Variants in SLC25A24 observed in about 807,000 individuals in gnomAD.
SLC25A24 encodes solute carrier family 25 member 24, also known as mitochondrial adenyl nucleotide antiporter SLC25A24.
In SLC25A24, 49 loss-of-function variants were observed where a neutral mutation model predicts 60.7. The observed-to-expected ratio is 0.81, with a 90% CI of 0.64 to 1.02. The LOEUF is 1.02. SLC25A24 is among the 50% of genes least tolerant of loss of function. The probability of loss-of-function intolerance (pLI) is 0.00; values close to 1 mark genes in which losing one functional copy is unlikely to be tolerated. For missense variants in SLC25A24, 564 were observed against 586.3 expected (o/e 0.96, Z 0.39); for synonymous variants, 202 against 200.6 (o/e 1.01, Z -0.06).
rs370078282 is a variant in SLC25A24, at chr1:108,200,077, G to C, written c.62C>G (p.Pro21Arg). ...PTAACQDAEQPTRYETLFQAL... is the reference protein window; with the variant it reads ...PTAACQDAEQRTRYETLFQAL... ...CTGGAAGAGGGTCTCGTAGCGCGTC[G>C]GCTGCTCCGCGTCCTGGCAGGCCGC... The change falls in exon 1 of 10, where the codon CCG becomes CGG. Residue 21 changes from proline to arginine, a missense_variant. Coordinates refer to ENST00000565488, the MANE Select transcript of SLC25A24 (RefSeq NM_013386.5). The C allele has an allele frequency of 1.3e-6, 2 of 1,587,752 alleles. No individual in the cohort carries two copies. The highest frequency in any genetic ancestry group is 1.7e-6 in the Non-Finnish European group (2 of 1,167,686).
intron 9 of SLC25A24, among the ~76,000 whole-genome samples, chr1:108,138,129 AAG>A (rs1432248103): frequency 3.3e-5 from 5 of 152,216 alleles, no homozygotes; most frequent in African/African-American, 9.7e-5. Flanking sequence ...CCCCTAACAA[AAG>A]AGGAGTTGGT....
intron 3 of SLC25A24, among the ~76,000 whole-genome samples, chr1:108,162,621 A>G (rs1338180967): frequency 6.6e-6 from 1 of 151,964 alleles, no homozygotes; most frequent in East Asian, 1.9e-4. Flanking sequence ...CATGTCCTTC[A>G]CCCACTTTTT....
Position 108,157,617 on chromosome 1 carries a change from T to C in SLC25A24, c.514A>G (p.Ile172Val). 6.2e-7 allele frequency: 1 copy of C among 1,611,176 alleles called. No homozygotes were observed. The highest frequency in any genetic ancestry group is 8.5e-7 in the Non-Finnish European group (1 of 1,177,946). Reference sequence around the variant, plus strand: ...ATAGTTAAGCTATCCCCTATGTCAATTCCCTGTAAAAATGAAAAAAAGATC... The same window carrying C: ...ATAGTTAAGCTATCCCCTATGTCAACTCCCTGTAAAAATGAAAAAAAGATC... ...IIRFWKHSTG[I>V]DIGDSLTIPD... Residue 172 changes from isoleucine (I) to valine (V), a missense_variant, in exon 5 of 10, where the codon ATT becomes GTT. Ile to Val is a conservative substitution (Grantham distance 29). Coordinates refer to ENST00000565488, the MANE Select transcript of SLC25A24 (RefSeq NM_013386.5).
At chr1:108,172,235 T>A (rs756823634) in intron 3 of SLC25A24, among the ~76,000 whole-genome samples, 1 of 152,214 alleles carries the variant, frequency 6.6e-6, no homozygotes, top group Admixed American at 6.5e-5. Flanking sequence ...CAGGTGTAAG[T>A]AGGAGGCTAT....
chr1:108,146,405 A>C (rs1356720461), intron 7 of SLC25A24, among the ~76,000 whole-genome samples: 4 of 152,154 alleles, frequency 2.6e-5, no homozygotes, highest in African/African-American at 9.7e-5. Context: ...AATACGCTTT[A>C]TTTCTTTCTC....
intron 1 of SLC25A24, among the ~76,000 whole-genome samples, chr1:108,191,429 C>A (rs1211361077): frequency 7.1e-6 from 1 of 140,432 alleles, no homozygotes; most frequent in Non-Finnish European, 1.6e-5. Context: ...TGCACCTGAA[C>A]AAGAACACTT....
chr1:108,197,327 C>T (rs1346098019), intron 1 of SLC25A24, among the ~76,000 whole-genome samples: 2 of 152,182 alleles, frequency 1.3e-5, no homozygotes, highest in African/African-American at 4.8e-5. Flanking sequence ...ATGCTCAATT[C>T]ATTACAAATG....
chr1:108,136,789 C>A lies in SLC25A24; in HGVS notation c.1298G>T (p.Arg433Leu), dbSNP rs149670605. ...PQLNMVGLFR[R>L]IISKEGIPGL... ...TGGTATTCCTTCTTTGGAAATAATTCGTCGAAAGAGGCCAACCATATTCAG... is the reference window on the plus strand; with the variant it reads ...TGGTATTCCTTCTTTGGAAATAATTAGTCGAAAGAGGCCAACCATATTCAG... Residue 433 changes from arginine (R) to leucine (L), a missense_variant, in exon 10 of 10, where the codon CGA becomes CTA. Transcript: ENST00000565488. 1 of 1,614,012 alleles carries A rather than the reference C, an allele frequency of 6.2e-7. No homozygotes were observed. Among genetic ancestry groups the A allele is most frequent in the Non-Finnish European group, 8.5e-7 (1 of 1,179,986 alleles).
rs17021096 is a variant in SLC25A24, at chr1:108,136,529, A to G, written c.*124T>C. 46,790 of 737,958 alleles carry G rather than the reference A, an allele frequency of 0.063. 1,886 individuals are homozygous for G. Among genetic ancestry groups the G allele is most frequent in the African/African-American group, 0.14 (7,721 of 56,406 alleles). 45.7% of individuals were successfully genotyped at this position (737,958 alleles called of 1,614,324 possible). A position where few individuals can be genotyped will look rare whatever the true frequency, so the allele number is the denominator to read the frequency against. On this transcript the variant is annotated 3_prime_UTR_variant, in exon 10 of 10. Transcript: ENST00000565488. ...AAAGTTTGAAGTGACCATTGTTACC[A>G]TCTTCCCTTTTGTGAAAAAAATGCA...
intron 1 of SLC25A24, among the ~76,000 whole-genome samples, chr1:108,191,672 AAG>A (rs1648347565): frequency 7.2e-6 from 1 of 139,380 alleles, no homozygotes; most frequent in African/African-American, 2.5e-5. Context: ...GGCTAATAGA[AAG>A]AGTTTTACTA....
At chr1:108,178,163 A>AAAC (rs55990865) in intron 3 of SLC25A24, among the ~76,000 whole-genome samples, 92,324 of 150,012 alleles carry the variant, frequency 0.62, 28,696 homozygotes, top group Middle Eastern at 0.74. Context: ...TCCGTCTCAA[A>AAAC]AACAACAACA....
chr1:108,167,954 C>T (rs1647269411), intron 3 of SLC25A24, among the ~76,000 whole-genome samples: 1 of 152,174 alleles, frequency 6.6e-6, no homozygotes, highest in South Asian at 2.1e-4. Flanking sequence ...CTAAGAGAAA[C>T]TCTGAGTGTA....
rs534341793 is a variant in SLC25A24, at chr1:108,155,281, T to C, written c.670-146A>G. ...AAATATAGAAAGGTTGAAAAATATA[T>C]ATAATGATGAGAGGGAGTATTGCCA... On this transcript the variant is annotated intron_variant, in intron 5 of 9. Transcript: ENST00000565488. The C allele has an allele frequency of 8.1e-5, 59 of 732,830 alleles. 2 individuals carry two copies. The South Asian group carries it at 1.1e-3, about 14-fold the overall frequency. The allele number at this position is 732,830 out of a possible 1,614,324, so 45.4% of individuals were successfully genotyped here.
chr1:108,197,256 T>C (rs1331628747), intron 1 of SLC25A24, among the ~76,000 whole-genome samples: 1 of 152,220 alleles, frequency 6.6e-6, no homozygotes, highest in African/African-American at 2.4e-5. Flanking sequence ...TCTACTCTTA[T>C]TTCTACATTC....
At chr1:108,145,041 C>A (rs1220804001) in intron 7 of SLC25A24, among the ~76,000 whole-genome samples, 1 of 152,142 alleles carries the variant, frequency 6.6e-6, no homozygotes, top group East Asian at 1.9e-4. Flanking sequence ...ATTTACACTC[C>A]CACCAACAGT....
At chr1:108,157,138 T>A (rs983708759) in intron 5 of SLC25A24, among the ~76,000 whole-genome samples, 2 of 152,174 alleles carry the variant, frequency 1.3e-5, no homozygotes, top group Admixed American at 1.3e-4. Context: ...TTACTTTTGA[T>A]AAAGTATATT....
At chr1:108,154,729 C>T (rs1359075117) in intron 6 of SLC25A24, among the ~76,000 whole-genome samples, 1 of 152,048 alleles carries the variant, frequency 6.6e-6, no homozygotes, top group Non-Finnish European at 1.5e-5. Context: ...TAAAATTCTA[C>T]CCTTCCTTTA....
chr1:108,174,513 G>A (rs1210985420), intron 3 of SLC25A24, among the ~76,000 whole-genome samples: 1 of 152,214 alleles, frequency 6.6e-6, no homozygotes. Context: ...CTAGGGCAGT[G>A]CAAAAGGGAA....
intron 5 of SLC25A24, among the ~76,000 whole-genome samples, chr1:108,155,983 A>ACACT (rs1481382961): frequency 6.6e-6 from 1 of 151,234 alleles, no homozygotes; most frequent in African/African-American, 2.4e-5. Flanking sequence ...ACACACACAC[A>ACACT]CTCACAGAAC....
Sources: gnomAD v4.1 joint callset for allele counts (sites outside exome capture counted in the v4.1 genomes callset) on GRCh38, gnomAD v4.1.1 for gene constraint, MANE v1.5 for transcripts, NCBI Gene and HGNC (gene_info 2026-07-23, HGNC 2026-07-21) for gene names.